The following ZNF273 variants were observed in gnomAD, a reference collection of about 807,000 sequenced individuals.
The protein encoded by ZNF273 is zinc finger protein 273.
In ZNF273, 11 loss-of-function variants were observed where a neutral mutation model predicts 14.9. The ratio of observed to expected loss-of-function variants is 0.74; its 90% CI spans 0.46 to 1.22. The LOEUF (loss-of-function observed/expected upper bound fraction) is 1.22. ZNF273 is among the 50% of genes most tolerant of loss of function. The pLI is 0.00. For synonymous variants in ZNF273, 199 were observed against 223.9 expected (o/e 0.89, Z 0.99); for missense variants, 577 against 660.6 (o/e 0.87, Z 1.39).
chr7:64,928,182 C>T lies in ZNF273; in HGVS notation c.854C>T (p.Thr285Ile), dbSNP rs965067255. ...CTTACTAAACATAAAAAAATTCATA[C>T]TGAAGAGAAACCTTACAAATGTGAA... is the stretch of plus-strand genomic sequence containing the variant. Reference protein sequence around the residue: ...LTLTKHKKIHTEEKPYKCEDC... With the variant: ...LTLTKHKKIHIEEKPYKCEDC... Residue 285 changes from threonine (T) to isoleucine (I), a missense_variant, in exon 4 of 4, where the codon ACT becomes ATT. This residue lies in a region of ZNF273 where 411 missense variants were observed against 440.4 expected (regional missense o/e 0.93). Coordinates refer to ENST00000476120, the MANE Select transcript of ZNF273 (RefSeq NM_021148.3). 1.9e-6 allele frequency: 3 copies of T among 1,613,140 alleles called. No individual in the cohort carries two copies. The highest frequency in any genetic ancestry group is 1.7e-6 in the Non-Finnish European group (2 of 1,179,760).
intron 1 of ZNF273, among the ~76,000 whole-genome samples, chr7:64,904,974 CGCTATGTCT>C (rs1377290256): frequency 2.0e-5 from 3 of 152,118 alleles, no homozygotes; most frequent in Non-Finnish European, 4.4e-5. Context: ...TACCCACAAT[CGCTATGTCT>C]GCTACAATGT....
upstream of ZNF273, among the ~76,000 whole-genome samples, chr7:64,902,840 A>G (rs1562955235): frequency 6.6e-6 from 1 of 152,218 alleles, no homozygotes; most frequent in African/African-American, 2.4e-5. Flanking sequence ...AAAGGAGGCA[A>G]TCAGATATGC....
At chr7:64,880,447 G>C (rs915044330), downstream of ZNF273, among the ~76,000 whole-genome samples, 2 of 152,108 alleles carry the variant, frequency 1.3e-5, no homozygotes, top group Non-Finnish European at 2.9e-5. Context: ...AGAAACTGCC[G>C]GGCTGGGTGT....
At chr7:64,888,184 T>C (rs1791718732) in intron 1 of ZNF273, among the ~76,000 whole-genome samples, 1 of 152,034 alleles carries the variant, frequency 6.6e-6, no homozygotes, top group African/African-American at 2.4e-5. Context: ...GGGGCCCTCA[T>C]TTCACCCCAT....
chr7:64,923,868 G>A (rs1794643959), intron 3 of ZNF273: 1 of 151,322 alleles, frequency 6.6e-6, no homozygotes, highest in Non-Finnish European at 1.5e-5. Flanking sequence ...TAATTCTGTA[G>A]CTTTGTAATA....
upstream of ZNF273, among the ~76,000 whole-genome samples, chr7:64,898,263 C>G (rs981842741): frequency 2.0e-5 from 3 of 152,132 alleles, no homozygotes; most frequent in Non-Finnish European, 4.4e-5. Flanking sequence ...TTCTCTATTT[C>G]AACACCTTCT....
At chr7:64,918,943 ACT>A (rs760822708) in intron 3 of ZNF273, among the ~76,000 whole-genome samples, 1 of 151,876 alleles carries the variant, frequency 6.6e-6, no homozygotes, top group Non-Finnish European at 1.5e-5. Context: ...ATTTTGAGAA[ACT>A]CTGTGTTAAA....
chr7:64,911,970 A>C (rs1284783534), intron 1 of ZNF273, among the ~76,000 whole-genome samples: 2 of 152,118 alleles, frequency 1.3e-5, no homozygotes, highest in Non-Finnish European at 2.9e-5. Flanking sequence ...TTCCTGTCTC[A>C]ATTCCATTAT....
chr7:64,886,716 A>C (rs1014874653), intron 1 of ZNF273, among the ~76,000 whole-genome samples: 2 of 152,226 alleles, frequency 1.3e-5, no homozygotes, highest in African/African-American at 4.8e-5. Flanking sequence ...AGCCAGGTAC[A>C]GTGGAGTTCT....
chr7:64,890,187 G>GGA, downstream of ZNF273: 1 of 24,920 alleles, frequency 4.0e-5, no homozygotes, highest in South Asian at 1.7e-3. Context: ...AAGCAGGTTA[G>GGA]GGGTGTGTGT....
At chr7:64,927,376 C>G (rs1794812801) in intron 3 of ZNF273, among the ~76,000 whole-genome samples, 1 of 150,468 alleles carries the variant, frequency 6.6e-6, no homozygotes, top group Non-Finnish European at 1.5e-5. Context: ...GCATGAGCCA[C>G]TGCACCCGAC....
At chr7:64,926,082 T>C (rs1794756804) in intron 3 of ZNF273, among the ~76,000 whole-genome samples, 1 of 130,930 alleles carries the variant, frequency 7.6e-6, no homozygotes, top group South Asian at 2.4e-4. Flanking sequence ...GATTTGGTTA[T>C]TTTGGAAGAT....
exon 2 of ZNF273, chr7:64,888,757 G>C (rs1411757183): frequency 3.0e-6 from 3 of 985,702 alleles, no homozygotes; most frequent in African/African-American, 3.5e-5. Context: ...CGCAGAGCCG[G>C]ATAGAAACGC....
At chr7:64,894,530 G>T (rs1792245123), downstream of ZNF273, among the ~76,000 whole-genome samples, 1 of 151,330 alleles carries the variant, frequency 6.6e-6, no homozygotes, top group African/African-American at 2.4e-5. Flanking sequence ...CTTTAGAAAA[G>T]ATTGGCTTTT....
chr7:64,906,683 ACT>A (rs1793131479), intron 1 of ZNF273, among the ~76,000 whole-genome samples: 1 of 123,530 alleles, frequency 8.1e-6, no homozygotes, highest in Non-Finnish European at 1.8e-5. Flanking sequence ...AAGCCTTTAT[ACT>A]GAGAGAAGCT....
downstream of ZNF273, among the ~76,000 whole-genome samples, chr7:64,891,811 A>C (rs1379545982): frequency 1.3e-5 from 2 of 152,182 alleles, no homozygotes; most frequent in African/African-American, 2.4e-5. Flanking sequence ...GGAGGTGCTG[A>C]AATCCACATT....
At chr7:64,897,989 A>G (rs1285456082) in exon 4 of ZNF273, 2 of 151,648 alleles carry the variant, frequency 1.3e-5, no homozygotes, top group Non-Finnish European at 2.9e-5. Context: ...GGCCTCCCAA[A>G]GTGCTGGTAT....
At chr7:64,913,806 A>C (rs904143829) in intron 1 of ZNF273, among the ~76,000 whole-genome samples, 1 of 152,184 alleles carries the variant, frequency 6.6e-6, no homozygotes, top group African/African-American at 2.4e-5. Context: ...GGTCAAAATT[A>C]CGAAGTGATT....
At chr7:64,887,099 C>T (rs903778060) in intron 1 of ZNF273, among the ~76,000 whole-genome samples, 3 of 152,198 alleles carry the variant, frequency 2.0e-5, no homozygotes, top group Non-Finnish European at 4.4e-5. Flanking sequence ...GACTACTTTT[C>T]CATGGTCGGT....
Sources: gnomAD v4.1 joint callset for allele counts (sites outside exome capture counted in the v4.1 genomes callset) on GRCh38, gnomAD v4.1.1 for gene constraint, gnomAD v4.1.1 regional missense constraint, MANE v1.5 for transcripts, NCBI Gene and HGNC (gene_info 2026-07-23, HGNC 2026-07-21) for gene names.